CEMIP2: variants seen among roughly 807,000 people sequenced by gnomAD.
The protein encoded by CEMIP2 is cell surface hyaluronidase CEMIP2.
Under a neutral mutation model 146.9 loss-of-function variants are expected in CEMIP2, and 79 were observed. That is an observed-to-expected ratio of 0.54 (90% CI 0.45 to 0.65). The LOEUF (loss-of-function observed/expected upper bound fraction) is 0.65. Among genes scored for constraint, CEMIP2 ranks in the 30% least tolerant of loss-of-function variants. The probability of loss-of-function intolerance (pLI) is 0.00; values close to 1 mark genes in which losing one functional copy is unlikely to be tolerated. For synonymous variants in CEMIP2, 601 were observed against 606.3 expected (o/e 0.99, Z 0.13); for missense variants, 1,596 against 1,696.2 (o/e 0.94, Z 1.04).
At position 71,712,207 on chromosome 9, in the gene CEMIP2, C is replaced by T. The variant is rs1390676539; in HGVS notation, c.2645G>A (p.Arg882Lys). 6.8e-6 allele frequency: 11 copies of T among 1,614,094 alleles called. No homozygotes were observed. Among genetic ancestry groups the T allele is most frequent in the South Asian group, 1.1e-5 (1 of 91,078 alleles). The change falls in exon 16 of 24, where the codon AGG becomes AAG. Residue 882 changes from arginine to lysine, a missense_variant. Arg to Lys is a conservative substitution (Grantham distance 26). Transcript: ENST00000377044. The stretch of plus-strand genomic sequence containing the variant: ...TGGCACATATTTTTTGAAAGTGCTC[C>T]TTGTGAGATGAATGGGCCCATCATA... ...QIYDGPIHLT[R>K]STFKKYVPTP...
chr9:71,759,033 G>T (rs906976907), intron 1 of CEMIP2, among the ~76,000 whole-genome samples: 1 of 152,086 alleles, frequency 6.6e-6, no homozygotes, highest in Non-Finnish European at 1.5e-5. Flanking sequence ...ACAGATCTTT[G>T]TTTACTTTTA....
At chr9:71,716,168 C>T (rs1823051193) in intron 14 of CEMIP2, among the ~76,000 whole-genome samples, 1 of 151,992 alleles carries the variant, frequency 6.6e-6, no homozygotes, top group South Asian at 2.1e-4. Flanking sequence ...ATTAGAGCAG[C>T]TTCTAAGAAA....
At chr9:71,734,675 G>A in intron 6 of CEMIP2, 131 bp downstream of exon 6, 1 of 744,272 alleles carries the variant, frequency 1.3e-6, no homozygotes, top group East Asian at 2.7e-5. Context: ...CCACTGCTAT[G>A]ACTTTCAATA....
intron 21 of CEMIP2, among the ~76,000 whole-genome samples, 162 bp downstream of exon 21, chr9:71,694,347 C>T (rs540906564): frequency 1.3e-5 from 2 of 152,140 alleles, no homozygotes; most frequent in East Asian, 1.9e-4. Flanking sequence ...AGGATGGTCT[C>T]GATCTAACCT....
At chr9:71,715,647 T>TATATATATAC (rs1554682967) in intron 14 of CEMIP2, among the ~76,000 whole-genome samples, 4 of 138,260 alleles carry the variant, frequency 2.9e-5, no homozygotes, top group Non-Finnish European at 6.2e-5. Context: ...TATATATATA[T>TATATATATAC]ACTTTTTTTT....
chr9:71,750,511 G>A (rs1366829510), intron 1 of CEMIP2, 126 bp from the exon 2 acceptor site: 12 of 695,100 alleles, frequency 1.7e-5, no homozygotes, highest in Middle Eastern at 8.4e-4. Context: ...GCATGATCTC[G>A]GCTCACCGCC....
intron 5 of CEMIP2, among the ~76,000 whole-genome samples, chr9:71,739,804 G>A (rs1823863205): frequency 6.6e-6 from 1 of 152,022 alleles, no homozygotes; most frequent in Admixed American, 6.5e-5. Context: ...TAGTGTTACT[G>A]TATTTTATGC....
chr9:71,704,448 A>T (rs767250276), intron 18 of CEMIP2, 147 bp downstream of exon 18: 9 of 756,784 alleles, frequency 1.2e-5, no homozygotes, highest in Non-Finnish European at 2.0e-5. Flanking sequence ...AATTCCATCA[A>T]CACAAAATAT....
At chr9:71,717,033 G>A (rs73477446) in intron 13 of CEMIP2, among the ~76,000 whole-genome samples, 9,089 of 152,118 alleles carry the variant, frequency 0.06, 911 homozygotes, top group African/African-American at 0.21. Flanking sequence ...TTAGCAGGGC[G>A]TTGTGGCACA....
chr9:71,717,619 G>A (rs1490672664), intron 13 of CEMIP2, among the ~76,000 whole-genome samples: 1 of 152,118 alleles, frequency 6.6e-6, no homozygotes, highest in African/African-American at 2.4e-5. Flanking sequence ...GTTTTCAAGA[G>A]GAAGGGAAAA....
intron 4 of CEMIP2, 41 bp downstream of exon 4, chr9:71,744,977 A>G: frequency 6.3e-7 from 1 of 1,575,884 alleles, no homozygotes; most frequent in Non-Finnish European, 8.6e-7. Flanking sequence ...TCTCACACAG[A>G]CACGGACTCT....
chr9:71,756,254 A>ATG (rs1324275750), intron 1 of CEMIP2, among the ~76,000 whole-genome samples: 1 of 133,280 alleles, frequency 7.5e-6, no homozygotes, highest in Admixed American at 7.6e-5. Context: ...ATATATATAT[A>ATG]TATGTATATA....
chr9:71,697,100 G>A (rs1822425373), intron 20 of CEMIP2, among the ~76,000 whole-genome samples: 1 of 152,212 alleles, frequency 6.6e-6, no homozygotes, highest in Non-Finnish European at 1.5e-5. Context: ...GGTTAAAATA[G>A]ATTGCCAGGC....
intron 10 of CEMIP2, among the ~76,000 whole-genome samples, chr9:71,728,231 C>CGTATATACACG (rs1823457765): frequency 6.8e-5 from 1 of 14,778 alleles, no homozygotes; most frequent in African/African-American, 2.3e-4. Context: ...CTCTCTCTCT[C>CGTATATACACG]TATATATATA....
rs62547003 is a variant in CEMIP2 at position 71,725,018 on chromosome 9, T to A, written c.2178+563A>T. On this transcript the variant is annotated intron_variant, in intron 11 of 23. Coordinates refer to ENST00000377044, the MANE Select transcript of CEMIP2 (RefSeq NM_013390.3). ...TATTCAGGTTACACGTGCATGTATGTGTTGCACATACCTGTATGCGCAATA... is the reference window on the plus strand; with the variant it reads ...TATTCAGGTTACACGTGCATGTATGAGTTGCACATACCTGTATGCGCAATA... 9.1e-4 allele frequency among the ~76,000 whole-genome samples: 129 copies of A among 141,122 alleles called. 2 individuals carry two copies. The highest frequency in any genetic ancestry group is 3.1e-3 in the African/African-American group (125 of 40,710). 92.6% of individuals were successfully genotyped at this position (141,122 alleles called of 152,430 possible). A position where few individuals can be genotyped will look rare whatever the true frequency, so the allele number is the denominator to read the frequency against.
At chr9:71,701,050 A>G (rs1225693830) in intron 18 of CEMIP2, among the ~76,000 whole-genome samples, 1 of 152,148 alleles carries the variant, frequency 6.6e-6, no homozygotes, top group Non-Finnish European at 1.5e-5. Context: ...AATTTCTCAT[A>G]TCAATAGATA....
At chr9:71,703,449 A>G (rs1822635033) in intron 18 of CEMIP2, among the ~76,000 whole-genome samples, 1 of 152,212 alleles carries the variant, frequency 6.6e-6, no homozygotes, top group Admixed American at 6.5e-5. Flanking sequence ...CACGATGTTC[A>G]TCATCCTTGG....
chr9:71,686,293 A>G (rs1222000132), intron 22 of CEMIP2: 1 of 162,814 alleles, frequency 6.1e-6, no homozygotes, highest in Non-Finnish European at 1.3e-5. Flanking sequence ...CCCTATTGGG[A>G]ACTGCACATG....
At chr9:71,744,637 C>G (rs1032510095) in intron 4 of CEMIP2, among the ~76,000 whole-genome samples, 1 of 152,188 alleles carries the variant, frequency 6.6e-6, no homozygotes, top group African/African-American at 2.4e-5. Context: ...TCTGCCCTAA[C>G]CTTTAAACTC....
Sources: gnomAD v4.1 joint callset for allele counts (sites outside exome capture counted in the v4.1 genomes callset) on GRCh38, gnomAD v4.1.1 for gene constraint, MANE v1.5 for transcripts, NCBI Gene and HGNC (gene_info 2026-07-23, HGNC 2026-07-21) for gene names.